The following NECAB1 variants were observed in gnomAD, a reference collection of about 807,000 sequenced individuals.
The protein encoded by NECAB1 is N-terminal EF-hand calcium binding protein 1, also known as N-terminal EF-hand calcium-binding protein 1.
Under a neutral mutation model 57.5 loss-of-function variants are expected in NECAB1, and 29 were observed. That is an observed-to-expected ratio of 0.50 (90% confidence interval 0.38 to 0.69). The LOEUF is 0.69. NECAB1 is among the 30% of genes least tolerant of loss of function. NECAB1 has a pLI of 0.00. For missense variants in NECAB1, 372 were observed against 413.8 expected, an observed-to-expected ratio of 0.90 and a Z score of 0.88; for synonymous variants, 142 against 147.7, an observed-to-expected ratio of 0.96 and a Z score of 0.28.
chr8:90,849,047 C>T (rs4735417), intron 3 of NECAB1, among the ~76,000 whole-genome samples: 70,309 of 152,066 alleles, frequency 0.46, 19,704 homozygotes, highest in East Asian at 0.77. Context: ...TTACCTCCCA[C>T]CCCATGTCCC....
At chr8:90,913,082 T>A (rs142310197) in intron 5 of NECAB1, among the ~76,000 whole-genome samples, 2 of 152,282 alleles carry the variant, frequency 1.3e-5, no homozygotes, top group Admixed American at 1.3e-4. Context: ...ATGCTCTAAT[T>A]TTCCTAATTA....
chr8:90,940,178 C>T (rs911167452), intron 9 of NECAB1: 1 of 152,284 alleles, frequency 6.6e-6, no homozygotes, highest in Non-Finnish European at 1.5e-5. Context: ...CAAGCACCAT[C>T]TGATGCCATT....
In NECAB1 at chr8:90,795,708, T is replaced by TCACACA. The variant is rs59863984; in HGVS notation, c.99+3751_99+3756dup. The stretch of plus-strand genomic sequence containing the variant: ...CACCTCCCATCTCACCTCATCTCTC[T>TCACACA]CACACACACACACACACACACACAC... On this transcript the variant is annotated intron_variant, in intron 1 of 12. Coordinates refer to ENST00000417640, the MANE Select transcript of NECAB1 (RefSeq NM_022351.5). 7.4e-3 allele frequency among the ~76,000 whole-genome samples: 1,094 copies of TCACACA among 147,852 alleles called. 7 individuals are homozygous for TCACACA. The highest frequency in any genetic ancestry group is 0.023 in the African/African-American group (935 of 40,426).
intron 3 of NECAB1, among the ~76,000 whole-genome samples, chr8:90,839,615 A>C (rs1812423340): frequency 6.6e-6 from 1 of 152,212 alleles, no homozygotes; most frequent in Admixed American, 6.5e-5. Flanking sequence ...AGAGGTATGA[A>C]TAAGGATGGA....
chr8:90,955,124 A>T (rs1287955039), intron 12 of NECAB1, among the ~76,000 whole-genome samples: 2 of 102,782 alleles, frequency 1.9e-5, no homozygotes, highest in South Asian at 5.7e-4. Context: ...ATATATATAT[A>T]TATATATATA....
chr8:90,925,502 CATTAAGGTTAA>C (rs766199386), intron 6 of NECAB1, 22 bp from the exon 7 acceptor site: 3 of 1,605,588 alleles, frequency 1.9e-6, no homozygotes, highest in Non-Finnish European at 2.6e-6. Flanking sequence ...GAAGCACTAA[CATTAAGGTTAA>C]ATGTTATCTC....
chr8:90,840,848 G>T (rs1224536857), intron 3 of NECAB1, among the ~76,000 whole-genome samples: 1 of 151,802 alleles, frequency 6.6e-6, no homozygotes, highest in Non-Finnish European at 1.5e-5. Flanking sequence ...ACTCTTCTTT[G>T]GGGGATGTTG....
At chr8:90,829,298 C>T (rs574831653) in intron 3 of NECAB1, among the ~76,000 whole-genome samples, 1 of 152,196 alleles carries the variant, frequency 6.6e-6, no homozygotes, top group African/African-American at 2.4e-5. Context: ...TAAGAGGAAA[C>T]TTCCATGGTT....
Position 90,922,094 on chromosome 8 carries a change from G to A in NECAB1, c.495-3441G>A, listed in dbSNP as rs531573134. 7.2e-5 allele frequency among the ~76,000 whole-genome samples: 11 copies of A among 152,368 alleles called. No individual in the cohort carries two copies. In the South Asian group the frequency reaches 1.9e-3, roughly 26 times the overall value. ...TTAATTCCATGTGTTCAGAAAGTAC[G>A]TAATAGCTAATGACAAGAATAATAA... is the stretch of plus-strand genomic sequence containing the variant. On this transcript the variant is annotated intron_variant, in intron 6 of 12. Transcript: ENST00000417640.
intron 3 of NECAB1, among the ~76,000 whole-genome samples, chr8:90,851,753 A>G (rs1812688069): frequency 6.6e-6 from 1 of 152,190 alleles, no homozygotes; most frequent in African/African-American, 2.4e-5. Context: ...TTTTGTCACA[A>G]CTGATGAACT....
At chr8:90,902,913 A>G (rs1477300703) in intron 5 of NECAB1, among the ~76,000 whole-genome samples, 2 of 152,106 alleles carry the variant, frequency 1.3e-5, no homozygotes, top group Admixed American at 6.6e-5. Flanking sequence ...AGGAATATTC[A>G]CCATATAAAT....
chr8:90,811,373 T>C (rs1187266168), intron 2 of NECAB1, among the ~76,000 whole-genome samples: 1 of 152,152 alleles, frequency 6.6e-6, no homozygotes, highest in Non-Finnish European at 1.5e-5. Context: ...CTAAGCCAAA[T>C]GAGTGAGAAA....
intron 2 of NECAB1, among the ~76,000 whole-genome samples, chr8:90,815,336 TAC>T (rs1315883304): frequency 6.6e-6 from 1 of 152,094 alleles, no homozygotes. Context: ...ACATTCCTAA[TAC>T]AGTTAAATTG....
At chr8:90,823,391 T>C (rs1482324670) in intron 2 of NECAB1, among the ~76,000 whole-genome samples, 3 of 151,796 alleles carry the variant, frequency 2.0e-5, no homozygotes. Context: ...AATAAGGATT[T>C]TTTAAAATGT....
In NECAB1 at chr8:90,956,846, A is replaced by G. The variant is rs1170286706; in HGVS notation, c.*1334A>G. The G allele has an allele frequency of 1.3e-5, 2 of 152,376 alleles. No homozygotes were observed. Among genetic ancestry groups the G allele is most frequent in the African/African-American group, 2.4e-5 (1 of 41,394 alleles). 9.4% of individuals were successfully genotyped at this position (152,376 alleles called of 1,614,324 possible). A position where few individuals can be genotyped will look rare whatever the true frequency, so the allele number is the denominator to read the frequency against. On this transcript the variant is annotated 3_prime_UTR_variant, in exon 13 of 13. Coordinates refer to ENST00000417640, the MANE Select transcript of NECAB1 (RefSeq NM_022351.5). ...CAGCAACTTTTACCAATACCTTTGT[A>G]TACTCTCAGTTCTCATTCAGTATAA...
chr8:90,892,523 G>T (rs111542968), intron 5 of NECAB1, among the ~76,000 whole-genome samples: 1 of 152,090 alleles, frequency 6.6e-6, no homozygotes, highest in Non-Finnish European at 1.5e-5. Context: ...ATTAACCCCC[G>T]CAAAAGGTGA....
intron 3 of NECAB1, among the ~76,000 whole-genome samples, chr8:90,850,122 C>G (rs1812654853): frequency 6.6e-6 from 1 of 151,980 alleles, no homozygotes; most frequent in Admixed American, 6.5e-5. Context: ...CAGTTGTCAG[C>G]AAGGAACAGA....
chr8:90,842,613 C>G (rs939022786), intron 3 of NECAB1, among the ~76,000 whole-genome samples: 5 of 152,214 alleles, frequency 3.3e-5, no homozygotes, highest in African/African-American at 1.2e-4. Flanking sequence ...GCTGGGCTGT[C>G]TGGCCTGCCA....
intron 12 of NECAB1, among the ~76,000 whole-genome samples, chr8:90,951,515 G>GT (rs1810924303): frequency 6.6e-6 from 1 of 151,926 alleles, no homozygotes; most frequent in Non-Finnish European, 1.5e-5. Flanking sequence ...TTATCATATT[G>GT]TAATTTAGTG....
Sources: allele counts gnomAD v4.1 joint callset (sites outside exome capture counted in the v4.1 genomes callset), GRCh38; gene constraint gnomAD v4.1.1; transcripts MANE v1.5; gene names NCBI Gene and HGNC (gene_info 2026-07-23, HGNC 2026-07-21).